Variants in TRIM5 observed in about 807,000 individuals in gnomAD.
TRIM5 encodes the protein tripartite motif containing 5.
TRIM5 carries 31 observed loss-of-function variants against 35.6 expected under a neutral mutation model. The observed-to-expected ratio is 0.87, with a 90% CI of 0.65 to 1.18. The LOEUF (loss-of-function observed/expected upper bound fraction) is 1.18. TRIM5 is among the 50% of genes most tolerant of loss of function. The pLI, the probability that TRIM5 is intolerant of heterozygous loss-of-function variation, is 0.00. For synonymous variants in TRIM5, 243 were observed against 215.6 expected, an observed-to-expected ratio of 1.13 and a Z score of -1.11; for missense variants, 609 against 591.6, an observed-to-expected ratio of 1.03 and a Z score of -0.31.
At chr11:5,598,957 C>G in the TRIM5 span, among the ~76,000 whole-genome samples, 1 of 152,158 alleles carries the variant, frequency 6.6e-6, no homozygotes, top group Non-Finnish European at 1.5e-5. Context: ...ATGCCCTTTG[C>G]AGTTCAAACT....
chr11:5,658,290 C>T (rs537548122), downstream of TRIM5, among the ~76,000 whole-genome samples: 2 of 152,310 alleles, frequency 1.3e-5, no homozygotes, highest in Admixed American at 1.3e-4. Flanking sequence ...AGAGGACAGC[C>T]TGGCTGCTGG....
At chr11:5,651,479 A>G in the TRIM5 span, among the ~76,000 whole-genome samples, 1 of 152,026 alleles carries the variant, frequency 6.6e-6, no homozygotes, top group Admixed American at 6.6e-5. Context: ...GCTTCCACTT[A>G]TAAGTAAGAA....
chr11:5,662,750 G>A (rs1264463108), downstream of TRIM5, among the ~76,000 whole-genome samples: 1 of 152,054 alleles, frequency 6.6e-6, no homozygotes, highest in African/African-American at 2.4e-5. Flanking sequence ...CAAACGAAGG[G>A]AGAAAGATAA....
chr11:5,590,157 TC>T, the TRIM5 span: 1 of 155,750 alleles, frequency 6.4e-6, no homozygotes, highest in Non-Finnish European at 1.4e-5. Context: ...GCGTGAGCCT[TC>T]CCCCGCCTCC....
At chr11:5,606,092 G>T in the TRIM5 span, among the ~76,000 whole-genome samples, 1 of 152,176 alleles carries the variant, frequency 6.6e-6, no homozygotes, top group Non-Finnish European at 1.5e-5. Context: ...CGTCTCTGAT[G>T]CTGTGTTGGG....
chr11:5,670,276 C>T (rs71490144), intron 4 of TRIM5, among the ~76,000 whole-genome samples: 24,474 of 143,224 alleles, frequency 0.17, 2,686 homozygotes, highest in East Asian at 0.44. Flanking sequence ...CTCCTGGGTT[C>T]ATGCCATTCT....
chr11:5,612,202 T>G, the TRIM5 span: 1 of 152,236 alleles, frequency 6.6e-6, no homozygotes, highest in Non-Finnish European at 1.5e-5. Flanking sequence ...TTTTACATTC[T>G]TGTAATATCT....
At chr11:5,613,154 C>T in the TRIM5 span, among the ~76,000 whole-genome samples, 1 of 152,242 alleles carries the variant, frequency 6.6e-6, no homozygotes, top group Non-Finnish European at 1.5e-5. Flanking sequence ...ACAGAACCTG[C>T]ACCTTCCCAG....
chr11:5,680,194 C>A lies in TRIM5; in HGVS notation c.-17G>T. On this transcript the variant is annotated 5_prime_UTR_variant, in exon 2 of 8. Transcript: ENST00000380034. ...AGAAGCCATAGTAGCTATTCCACTG[C>A]TCCTGCCTGTCCTGGCTGCTGAGGT... 6.3e-7 allele frequency: 1 copy of A among 1,576,364 alleles called. No individual in the cohort carries two copies. The highest frequency in any genetic ancestry group is 8.6e-7 in the Non-Finnish European group (1 of 1,158,860).
chr11:5,602,682 G>A, the TRIM5 span, among the ~76,000 whole-genome samples: 1 of 151,422 alleles, frequency 6.6e-6, no homozygotes, highest in Non-Finnish European at 1.5e-5. Context: ...CTCCAGGTGC[G>A]GTGGCTCATG....
At chr11:5,659,046 A>C (rs1278141495), downstream of TRIM5, among the ~76,000 whole-genome samples, 1 of 152,098 alleles carries the variant, frequency 6.6e-6, no homozygotes, top group Non-Finnish European at 1.5e-5. Context: ...AGAAATACCT[A>C]ATGTAAATGA....
chr11:5,611,027 T>C, the TRIM5 span: 2 of 1,614,158 alleles, frequency 1.2e-6, no homozygotes, highest in African/African-American at 2.7e-5. Context: ...CTTTCAACCA[T>C]TTTGCTCAAA....
At chr11:5,661,896 G>A (rs1299468683), downstream of TRIM5, among the ~76,000 whole-genome samples, 2 of 152,166 alleles carry the variant, frequency 1.3e-5, no homozygotes, top group East Asian at 1.9e-4. Flanking sequence ...GGTCTTTATT[G>A]TTGTGTAACT....
rs766844153 is a variant in TRIM5 at position 5,680,073 on chromosome 11, G to A, written c.105C>T (p.Cys35=). The A allele has an allele frequency of 1.2e-6, 2 of 1,613,974 alleles. No individual in the cohort carries two copies. Among genetic ancestry groups the A allele is most frequent in the South Asian group, 1.1e-5 (1 of 91,076 alleles). The change falls in exon 2 of 8, where the codon TGC becomes TGT. Residue 35 remains cysteine (C), a synonymous_variant. Transcript: ENST00000380034. The part of the protein sequence containing the change: ...PLSLDCGHSF[C]QACLTANHKK... Reference sequence around the variant, plus strand: ...TGTGGTTTGCAGTGAGGCATGCTTGGCAGAAGCTGTGGCCGCAGTCCAGGC... The same window carrying A: ...TGTGGTTTGCAGTGAGGCATGCTTGACAGAAGCTGTGGCCGCAGTCCAGGC...
the TRIM5 span, chr11:5,655,655 G>A: frequency 1.0e-6 from 1 of 985,282 alleles, no homozygotes; most frequent in Non-Finnish European, 1.2e-6. Context: ...AGGAACCAAT[G>A]TTATGGAGGC....
chr11:5,670,845 G>A (rs1851535497), intron 4 of TRIM5, among the ~76,000 whole-genome samples: 1 of 152,172 alleles, frequency 6.6e-6, no homozygotes, highest in South Asian at 2.1e-4. Context: ...AAACACAGCA[G>A]AGACATTAGC....
the TRIM5 span, among the ~76,000 whole-genome samples, chr11:5,632,953 A>G: frequency 6.7e-6 from 1 of 148,650 alleles, no homozygotes. Context: ...CAGCCTCCCA[A>G]GTAGCTCGGA....
At chr11:5,629,135 G>C in the TRIM5 span, among the ~76,000 whole-genome samples, 3 of 152,092 alleles carry the variant, frequency 2.0e-5, no homozygotes, top group Non-Finnish European at 2.9e-5. Flanking sequence ...AAATTAGTTG[G>C]GCGTGGTGGC....
chr11:5,665,118 T>C lies in TRIM5; in HGVS notation c.1173A>G (p.Glu391=). The C allele has an allele frequency of 1.2e-6, 2 of 1,614,114 alleles. No individual in the cohort carries two copies. The highest frequency in any genetic ancestry group is 1.6e-4 in the Middle Eastern group (1 of 6,062). The change falls in exon 8 of 8, where the codon GAA becomes GAG. Residue 391 remains glutamate, a synonymous_variant. Transcript: ENST00000380034. ...PDAMCNIEKN[E]NYQPKYGYWV... ...AGTAGCCGTATTTAGGTTGATAATTTTCATTTTTTTCAATATTACACATTG... is the reference window on the plus strand; with the variant it reads ...AGTAGCCGTATTTAGGTTGATAATTCTCATTTTTTTCAATATTACACATTG...
Sources: gnomAD v4.1 joint callset for allele counts (sites outside exome capture counted in the v4.1 genomes callset) on GRCh38, gnomAD v4.1.1 for gene constraint, MANE v1.5 for transcripts, NCBI Gene and HGNC (gene_info 2026-07-23, HGNC 2026-07-21) for gene names.